Variants in CLSTN1 observed in about 807,000 individuals in gnomAD.
CLSTN1 encodes calsyntenin-1.
A neutral mutation model predicts 108.3 loss-of-function variants in CLSTN1; 28 were observed. The ratio of observed to expected loss-of-function variants is 0.26; its 90% CI spans 0.19 to 0.35. The LOEUF is 0.35. Among genes scored for constraint, CLSTN1 ranks in the 10% least tolerant of loss-of-function variants. The pLI is 1.00. For synonymous variants in CLSTN1, 524 were observed against 534.9 expected (o/e 0.98, Z 0.28); for missense variants, 1,157 against 1,302.6 (o/e 0.89, Z 1.72).
rs1307377822 is a variant in CLSTN1 at position 9,735,914 on chromosome 1, C to T, written c.1705G>A (p.Val569Ile). ...ACGCCTCTGCCACTGTCTTCGAGGA[C>T]CTGCAGGTCCAGCCCCTCCTTGCAG... ...YTCKEGLDLQ[V>I]LEDSGRGVQI... Residue 569 changes from valine to isoleucine, a missense_variant, in exon 12 of 19, where the codon GTC becomes ATC. By Grantham distance (29) the Val-to-Ile change is conservative. Coordinates refer to ENST00000377298, the MANE Select transcript of CLSTN1 (RefSeq NM_001009566.3). 6.2e-7 allele frequency: 1 copy of T among 1,614,002 alleles called. No homozygotes were observed. The highest frequency in any genetic ancestry group is 8.5e-7 in the Non-Finnish European group (1 of 1,180,036).
intron 15 of CLSTN1, 97 bp downstream of exon 15, chr1:9,733,875 C>T: frequency 7.7e-7 from 1 of 1,302,012 alleles, no homozygotes; most frequent in Non-Finnish European, 1.1e-6. Context: ...TCTAAGATAA[C>T]TCAACATTCT....
chr1:9,740,072 TC>T (rs1386784241), intron 10 of CLSTN1, among the ~76,000 whole-genome samples: 15 of 151,996 alleles, frequency 9.9e-5, no homozygotes, highest in Admixed American at 7.2e-4. Flanking sequence ...CACCTCAGCC[TC>T]CCAAAGTGCT....
intron 1 of CLSTN1, among the ~76,000 whole-genome samples, chr1:9,796,077 C>G (rs1393948391): frequency 6.6e-6 from 1 of 150,846 alleles, no homozygotes; most frequent in African/African-American, 2.4e-5. Context: ...GCCTGGCCAA[C>G]ATGGTGAAAC....
At chr1:9,732,882 T>C (rs1272371709) in intron 16 of CLSTN1, among the ~76,000 whole-genome samples, 1 of 152,248 alleles carries the variant, frequency 6.6e-6, no homozygotes, top group Non-Finnish European at 1.5e-5. Flanking sequence ...GTTCCCTGGA[T>C]GCTGCTCTTT....
At chr1:9,746,240 A>G (rs1363521542) in intron 7 of CLSTN1, among the ~76,000 whole-genome samples, 1 of 152,230 alleles carries the variant, frequency 6.6e-6, no homozygotes, top group Non-Finnish European at 1.5e-5. Flanking sequence ...TTACTAAGTC[A>G]AAAAACATAA....
In CLSTN1 at chr1:9,823,941, T is replaced by C. The variant is rs1162760008; in HGVS notation, c.-208A>G. The C allele has an allele frequency of 1.2e-5, 2 of 160,978 alleles. No homozygotes were observed. Among genetic ancestry groups the C allele is most frequent in the African/African-American group, 4.9e-5 (2 of 40,954 alleles). 10.0% of individuals were successfully genotyped at this position (160,978 alleles called of 1,614,324 possible). ...TCCCCGCCTCAGAGCAGCGTCTTGC[T>C]GAAGGCAGCGGCAGCAACTAAGATG... On this transcript the variant is annotated 5_prime_UTR_variant, in exon 1 of 19. Transcript: ENST00000377298. The surrounding 1 kb of genome is among the most constrained non-coding windows in gnomAD (Gnocchi z 6.3).
intron 7 of CLSTN1, among the ~76,000 whole-genome samples, chr1:9,748,041 C>T (rs527621655): frequency 2.6e-4 from 36 of 139,770 alleles, no homozygotes; most frequent in Non-Finnish European, 4.1e-4. Flanking sequence ...GAGACTCTGT[C>T]TAAAAAAAAA....
At chr1:9,803,499 G>C (rs1654374485) in intron 1 of CLSTN1, among the ~76,000 whole-genome samples, 1 of 152,160 alleles carries the variant, frequency 6.6e-6, no homozygotes, top group Non-Finnish European at 1.5e-5. Flanking sequence ...CTTTTATCGT[G>C]GTAGTTATAA....
At chr1:9,784,819 C>T (rs1653406131) in intron 1 of CLSTN1, among the ~76,000 whole-genome samples, 1 of 151,990 alleles carries the variant, frequency 6.6e-6, no homozygotes, top group Admixed American at 6.6e-5. Context: ...GCTAGTAGGC[C>T]CTTGTTAAAG....
intron 13 of CLSTN1, 71 bp downstream of exon 13, chr1:9,735,396 G>A: frequency 6.3e-7 from 1 of 1,594,244 alleles, no homozygotes; most frequent in Non-Finnish European, 8.6e-7. Context: ...AAGGGGTTAG[G>A]CTGTCTTAAA....
intron 7 of CLSTN1, among the ~76,000 whole-genome samples, chr1:9,748,857 C>G (rs372041360): frequency 6.6e-6 from 1 of 152,062 alleles, no homozygotes; most frequent in Non-Finnish European, 1.5e-5. Context: ...CCTATAGAAG[C>G]CCTTTTTGGA....
chr1:9,731,754 GT>G lies in CLSTN1; in HGVS notation c.2563+6del. 6.2e-7 allele frequency: 1 copy of G among 1,614,214 alleles called. No individual in the cohort carries two copies. ...ATCTCCGCTTGGTCTCCCTCCCCAT[GT>G]CCTACCTGCGAACGGGTGGGGGTTG... is the stretch of plus-strand genomic sequence containing the variant. On this transcript the variant is annotated splice_donor_region_variant and intron_variant, in intron 17 of 18. Transcript: ENST00000377298.
At chr1:9,785,317 A>AT (rs1653435546) in intron 1 of CLSTN1, among the ~76,000 whole-genome samples, 1 of 151,934 alleles carries the variant, frequency 6.6e-6, no homozygotes, top group African/African-American at 2.4e-5. Context: ...TGTAAAACAG[A>AT]TTTTTTAATT....
chr1:9,780,139 G>C (rs1435137918), intron 1 of CLSTN1, among the ~76,000 whole-genome samples: 1 of 152,172 alleles, frequency 6.6e-6, no homozygotes, highest in Non-Finnish European at 1.5e-5. Context: ...ACAGGCATGA[G>C]CCACGGCATC....
intron 10 of CLSTN1, among the ~76,000 whole-genome samples, chr1:9,738,810 G>A (rs1650822779): frequency 6.6e-6 from 1 of 152,220 alleles, no homozygotes; most frequent in East Asian, 1.9e-4. Flanking sequence ...CACCACGCCT[G>A]GCTAATTTTT....
intron 10 of CLSTN1, among the ~76,000 whole-genome samples, chr1:9,739,328 C>A (rs551436853): frequency 1.3e-5 from 2 of 152,164 alleles, no homozygotes; most frequent in African/African-American, 4.8e-5. Context: ...GGAACTTACA[C>A]CACTGTTGGA....
At chr1:9,768,677 T>TGC (rs1652492016) in intron 2 of CLSTN1, among the ~76,000 whole-genome samples, 1 of 84,098 alleles carries the variant, frequency 1.2e-5, no homozygotes, top group Non-Finnish European at 2.2e-5. Flanking sequence ...CGGGGTTCTG[T>TGC]TAGGTGGCAC....
At chr1:9,731,039 G>GTC in intron 18 of CLSTN1, 167 bp downstream of exon 18, 1 of 762,808 alleles carries the variant, frequency 1.3e-6, no homozygotes, top group South Asian at 1.6e-5. Context: ...CTTGAATAAG[G>GTC]TCTCTCTCAG....
chr1:9,815,988 C>T (rs1654953045), intron 1 of CLSTN1, among the ~76,000 whole-genome samples: 1 of 151,952 alleles, frequency 6.6e-6, no homozygotes, highest in Admixed American at 6.6e-5. Context: ...ACCCTAAGAC[C>T]CAACAATTCC....
Sources: gnomAD v4.1 joint callset for allele counts (sites outside exome capture counted in the v4.1 genomes callset) on GRCh38, gnomAD v4.1.1 for gene constraint, Gnocchi (gnomAD v3.1) non-coding constraint, MANE v1.5 for transcripts, NCBI Gene and HGNC (gene_info 2026-07-23, HGNC 2026-07-21) for gene names.